The following SNX4 variants were observed in gnomAD, a reference collection of about 807,000 sequenced individuals.
SNX4 encodes sorting nexin-4.
SNX4 carries 49 observed loss-of-function variants against 70.8 expected under a neutral mutation model. The observed-to-expected ratio is 0.69, with a 90% CI of 0.55 to 0.88. SNX4 has a LOEUF of 0.88. SNX4 is among the 40% of genes least tolerant of loss of function. The probability of loss-of-function intolerance (pLI) is 0.00; values close to 1 mark genes in which losing one functional copy is unlikely to be tolerated. For synonymous variants in SNX4, 206 were observed against 183.8 expected (o/e 1.12, Z -0.98); for missense variants, 528 against 544.8 (o/e 0.97, Z 0.31).
At chr3:125,501,844 T>C (rs1393142506) in intron 2 of SNX4, among the ~76,000 whole-genome samples, 1 of 152,232 alleles carries the variant, frequency 6.6e-6, no homozygotes, top group Non-Finnish European at 1.5e-5. Flanking sequence ...GCCACACATT[T>C]ATTGATGATC....
In SNX4 at chr3:125,498,085, C is replaced by T. The variant is rs1433772505; in HGVS notation, c.373G>A (p.Val125Ile). Residue 125 changes from valine (V) to isoleucine (I), a missense_variant, in exon 3 of 14, where the codon GTT (valine) becomes ATT (isoleucine). This residue lies in a region of SNX4 where 341 missense variants were observed against 312.2 expected (regional missense o/e 1.09). Coordinates refer to ENST00000251775, the MANE Select transcript of SNX4 (RefSeq NM_003794.4). ...SYLLVYYPHI[V>I]VPPLPEKRAE... ...CGTTTTTCTGGCAGAGGTGGCACAACAATATGTGGATAGTAAACTAAAAGG... is the reference window on the plus strand; with the variant it reads ...CGTTTTTCTGGCAGAGGTGGCACAATAATATGTGGATAGTAAACTAAAAGG... 2.5e-6 allele frequency: 4 copies of T among 1,614,168 alleles called. No individual in the cohort carries two copies. Among genetic ancestry groups the T allele is most frequent in the Non-Finnish European group, 3.4e-6 (4 of 1,180,008 alleles).
At chr3:125,487,817 G>A (rs1373837218) in intron 6 of SNX4, among the ~76,000 whole-genome samples, 1 of 151,826 alleles carries the variant, frequency 6.6e-6, no homozygotes, top group Non-Finnish European at 1.5e-5. Context: ...CAGGGGTTGA[G>A]GGAGGAGATG....
At position 125,457,278 on chromosome 3, in the gene SNX4, T is replaced by G. The variant is rs984586910; in HGVS notation, c.1032A>C (p.Glu344Asp). Residue 344 changes from glutamate (E) to aspartate (D), a missense_variant, in exon 11 of 14, where the codon GAA (glutamate) becomes GAC (aspartate). Physicochemically the swap from Glu to Asp is conservative, Grantham distance 45. Transcript: ENST00000251775. Reference sequence around the variant, plus strand: ...GGAAAATACTCACCCCAGTTACCAGTTCCTCACACTGCTGCTTCTTGGATG... The same window carrying G: ...GGAAAATACTCACCCCAGTTACCAGGTCCTCACACTGCTGCTTCTTGGATG... Reference protein sequence around the residue: ...DLASKKQQCEELVTGTVRTFS... With the variant: ...DLASKKQQCEDLVTGTVRTFS... 6.2e-7 allele frequency: 1 copy of G among 1,613,324 alleles called. No individual in the cohort carries two copies. The highest frequency in any genetic ancestry group is 8.5e-7 in the Non-Finnish European group (1 of 1,179,342).
intron 1 of SNX4, among the ~76,000 whole-genome samples, chr3:125,506,816 G>GT (rs1935052947): frequency 6.0e-5 from 1 of 16,792 alleles, no homozygotes. Context: ...TGTGGAGAAA[G>GT]TAAAAAAAAA....
intron 9 of SNX4, among the ~76,000 whole-genome samples, chr3:125,462,711 T>C (rs1296966270): frequency 1.3e-5 from 2 of 152,130 alleles, no homozygotes; most frequent in African/African-American, 4.8e-5. Flanking sequence ...TACATTTAAT[T>C]ACACACACCA....
At chr3:125,479,215 C>T (rs1420352103) in intron 7 of SNX4, among the ~76,000 whole-genome samples, 3 of 152,120 alleles carry the variant, frequency 2.0e-5, no homozygotes, top group Non-Finnish European at 4.4e-5. Flanking sequence ...CACTGCTCAT[C>T]GGTGGACTCT....
intron 11 of SNX4, among the ~76,000 whole-genome samples, chr3:125,455,841 G>A (rs1027907427): frequency 7.9e-5 from 12 of 151,864 alleles, no homozygotes; most frequent in Admixed American, 5.9e-4. Flanking sequence ...GTGAAACCCC[G>A]TCTGTACTAA....
At chr3:125,458,238 T>C (rs1488519308) in intron 10 of SNX4, among the ~76,000 whole-genome samples, 2 of 149,452 alleles carry the variant, frequency 1.3e-5, no homozygotes, top group Non-Finnish European at 3.0e-5. Flanking sequence ...AATGGTGCAA[T>C]CTCGGCTAAA....
chr3:125,489,371 AAAC>A (rs1559819343), intron 6 of SNX4, 34 bp downstream of exon 6: 2 of 1,519,136 alleles, frequency 1.3e-6, no homozygotes, highest in Admixed American at 3.4e-5. Context: ...GCACCATTCA[AAAC>A]AACATTGTAA....
chr3:125,467,299 A>C (rs1402704426), intron 9 of SNX4, among the ~76,000 whole-genome samples: 1 of 151,896 alleles, frequency 6.6e-6, no homozygotes, highest in Admixed American at 6.6e-5. Context: ...AGTCAGGAGA[A>C]TTGCTTGAAC....
rs1934832006 is a variant in SNX4, at chr3:125,497,852, G to C, written c.531C>G (p.Phe177Leu). ...AAAATACCTGTGTTAAAAACAGATAGAAGATTTTGTCTCTACAAAGGATGG... is the reference window on the plus strand; with the variant it reads ...AAAATACCTGTGTTAAAAACAGATACAAGATTTTGTCTCTACAAAGGATGG... Reference protein sequence around the residue: ...SHPILCRDKIFYLFLTQEGNW... With the variant: ...SHPILCRDKILYLFLTQEGNW... Residue 177 changes from phenylalanine to leucine, a missense_variant, in exon 4 of 14, where the codon TTC becomes TTG. Physicochemically the swap from Phe to Leu is conservative, Grantham distance 22. This residue lies in a region of SNX4 where 341 missense variants were observed against 312.2 expected (regional missense o/e 1.09). Coordinates refer to ENST00000251775, the MANE Select transcript of SNX4 (RefSeq NM_003794.4). The C allele has an allele frequency of 6.2e-7, 1 of 1,605,478 alleles. No homozygotes were observed. Among genetic ancestry groups the C allele is most frequent in the Non-Finnish European group, 8.5e-7 (1 of 1,177,644 alleles).
chr3:125,519,429 A>C (rs991045465), intron 1 of SNX4, among the ~76,000 whole-genome samples: 1 of 152,160 alleles, frequency 6.6e-6, no homozygotes, highest in Non-Finnish European at 1.5e-5. Context: ...TTACAGCCAA[A>C]TGAGGAGTCT....
chr3:125,457,572 CTTTTTTTT>C (rs1005344428), intron 10 of SNX4, among the ~76,000 whole-genome samples: 2 of 110,438 alleles, frequency 1.8e-5, no homozygotes, highest in Admixed American at 9.8e-5. Flanking sequence ...TTCATATATT[CTTTTTTTT>C]TTTTTTTTTT....
chr3:125,465,271 G>A (rs999160929), intron 9 of SNX4, among the ~76,000 whole-genome samples: 2 of 150,534 alleles, frequency 1.3e-5, no homozygotes, highest in Non-Finnish European at 3.0e-5. Context: ...TGGGGACAGA[G>A]TTTCACTCTT....
Position 125,504,101 on chromosome 3 carries a change from C to T in SNX4, c.263+522G>A, listed in dbSNP as rs538729553. On this transcript the variant is annotated intron_variant, in intron 2 of 13. Transcript: ENST00000251775. ...ATCCGAACACTTTGGGAGGCCGAGG[C>T]GGGTGGATCGTTTGAGATCAGGAGT... 3.3e-5 allele frequency among the ~76,000 whole-genome samples: 5 copies of T among 152,098 alleles called. No individual in the cohort carries two copies. In the South Asian group the frequency reaches 6.2e-4, roughly 19 times the overall value.
rs968393401 is a variant in SNX4, at chr3:125,462,091, G to A, written c.855-1231C>T. Among the ~76,000 whole-genome samples the A allele has an allele frequency of 3.3e-5, 5 of 152,246 alleles. No individual in the cohort carries two copies. In the South Asian group the frequency reaches 6.2e-4, roughly 19 times the overall value. On this transcript the variant is annotated intron_variant, in intron 9 of 13. Coordinates refer to ENST00000251775, the MANE Select transcript of SNX4 (RefSeq NM_003794.4). Reference sequence around the variant, plus strand: ...CACATTGCTTCTCCAAACCATACAAGCACATGTCTCAACACCTCTAGGAAA... The same window carrying A: ...CACATTGCTTCTCCAAACCATACAAACACATGTCTCAACACCTCTAGGAAA...
chr3:125,498,189 A>G lies in SNX4; in HGVS notation c.269T>C (p.Val90Ala), dbSNP rs1009239438. 1 of 1,613,258 alleles carries G rather than the reference A, an allele frequency of 6.2e-7. No homozygotes were observed. The highest frequency in any genetic ancestry group is 1.3e-5 in the African/African-American group (1 of 75,032). Residue 90 changes from valine (V) to alanine (A), a missense_variant, in exon 3 of 14, where the codon GTT becomes GCT. Coordinates refer to ENST00000251775, the MANE Select transcript of SNX4 (RefSeq NM_003794.4). ...YTAYLIETRS[V>A]EHTDGQSVLT... ...GACACTCTGACCATCGGTATGTTCAACTGACCTGAAAAGGAACAGAACAAC... is the reference window on the plus strand; with the variant it reads ...GACACTCTGACCATCGGTATGTTCAGCTGACCTGAAAAGGAACAGAACAAC...
intron 11 of SNX4, among the ~76,000 whole-genome samples, chr3:125,455,477 G>T (rs1178507023): frequency 6.6e-6 from 1 of 152,182 alleles, no homozygotes; most frequent in Non-Finnish European, 1.5e-5. Context: ...GCAACCCCAA[G>T]CTTCACTGCT....
rs1364881662 is a variant in SNX4, at chr3:125,484,474, C to T, written c.654-4155G>A. On this transcript the variant is annotated intron_variant, in intron 6 of 13. Coordinates refer to ENST00000251775, the MANE Select transcript of SNX4 (RefSeq NM_003794.4). Reference sequence around the variant, plus strand: ...TTCACCATGTTGGCCAGGCTGCCCTCGAACTTCTGACCTCAAGTGATCTGC... The same window carrying T: ...TTCACCATGTTGGCCAGGCTGCCCTTGAACTTCTGACCTCAAGTGATCTGC... Among the ~76,000 whole-genome samples the T allele has an allele frequency of 5.3e-5, 8 of 152,136 alleles. 1 individual carries two copies. In the South Asian group the frequency reaches 1.2e-3, roughly 24 times the overall value.
Sources: allele counts gnomAD v4.1 joint callset (sites outside exome capture counted in the v4.1 genomes callset), GRCh38; gene constraint gnomAD v4.1.1; regional missense constraint gnomAD v4.1.1; transcripts MANE v1.5; gene names NCBI Gene and HGNC (gene_info 2026-07-23, HGNC 2026-07-21).